The following CTBP2 variants were observed in gnomAD, a reference collection of about 807,000 sequenced individuals.
CTBP2 encodes C-terminal binding protein 2.
CTBP2 carries 30 observed loss-of-function variants against 80.3 expected under a neutral mutation model. The ratio of observed to expected loss-of-function variants is 0.37; its 90% CI spans 0.28 to 0.51. CTBP2 has a LOEUF of 0.51. Among genes scored for constraint, CTBP2 ranks in the 20% least tolerant of loss-of-function variants. The pLI is 0.93. For missense variants in CTBP2, 1,212 were observed against 1,375.3 expected (o/e 0.88, Z 1.88); for synonymous variants, 594 against 587.4 (o/e 1.01, Z -0.16).
intron 3 of CTBP2, chr10:124,999,941 T>C (rs1291916952): frequency 1.3e-5 from 2 of 152,162 alleles, no homozygotes; most frequent in Non-Finnish European, 2.9e-5. Flanking sequence ...CGGGGCTGGC[T>C]CGGCAGTGCT....
intron 1 of CTBP2, among the ~76,000 whole-genome samples, chr10:125,128,562 G>T (rs1024488949): frequency 1.3e-5 from 2 of 152,196 alleles, no homozygotes; most frequent in African/African-American, 4.8e-5. Flanking sequence ...AGCCAACGGT[G>T]CAGACCCCTG....
intron 1 of CTBP2, among the ~76,000 whole-genome samples, chr10:125,019,730 C>T (rs1956862110): frequency 6.6e-6 from 1 of 152,206 alleles, no homozygotes; most frequent in Non-Finnish European, 1.5e-5. Flanking sequence ...AAGAATATAT[C>T]TTCATGACCC....
chr10:125,098,768 G>GAC (rs1850137610), intron 2 of CTBP2, among the ~76,000 whole-genome samples: 8 of 138,456 alleles, frequency 5.8e-5, no homozygotes, highest in African/African-American at 8.3e-5. Context: ...GAGAGAGAGA[G>GAC]AGAGAGAGAG....
In CTBP2 at chr10:125,003,374, G is replaced by A. The variant is rs1465967910; in HGVS notation, c.1797C>T (p.Phe599=). 2 of 1,609,828 alleles carry A rather than the reference G, an allele frequency of 1.2e-6. No homozygotes were observed. ...TTTCCTGCGTCGACTGCGCGTCACA[G>A]AAGGCCACAGTGGCCAGGTCCTTCA... Residue 599 remains phenylalanine, a synonymous_variant, in exon 2 of 9, where the codon TTC becomes TTT. Coordinates refer to ENST00000309035, the MANE Select transcript of CTBP2 (RefSeq NM_022802.3).
intron 2 of CTBP2, among the ~76,000 whole-genome samples, chr10:125,056,623 T>C (rs1362374667): frequency 6.6e-6 from 1 of 152,230 alleles, no homozygotes; most frequent in East Asian, 1.9e-4. Context: ...CAGCTGCTCT[T>C]TGTGCCTCAG....
At chr10:125,118,381 C>A (rs1853695801) in intron 1 of CTBP2, among the ~76,000 whole-genome samples, 1 of 152,160 alleles carries the variant, frequency 6.6e-6, no homozygotes, top group Non-Finnish European at 1.5e-5. Context: ...GGAGTCCTGG[C>A]AACAACTGGA....
intron 1 of CTBP2, among the ~76,000 whole-genome samples, chr10:125,123,302 T>C (rs931817628): frequency 1.3e-5 from 2 of 152,100 alleles, no homozygotes; most frequent in African/African-American, 4.8e-5. Flanking sequence ...GCCAAATGAG[T>C]GCATGTTACA....
At chr10:125,036,190 GAA>G (rs1275053521) in intron 3 of CTBP2, among the ~76,000 whole-genome samples, 1 of 152,162 alleles carries the variant, frequency 6.6e-6, no homozygotes, top group African/African-American at 2.4e-5. Context: ...TTCTTGCTTT[GAA>G]AAGTTTCAAA....
chr10:125,092,679 G>C (rs1363560313), intron 2 of CTBP2, among the ~76,000 whole-genome samples: 2 of 152,176 alleles, frequency 1.3e-5, no homozygotes, highest in African/African-American at 4.8e-5. Flanking sequence ...GAGTAGAACA[G>C]AGTGGTGCCA....
intron 2 of CTBP2, among the ~76,000 whole-genome samples, chr10:125,105,326 T>A (rs970811165): frequency 1.1e-4 from 17 of 151,852 alleles, no homozygotes; most frequent in East Asian, 9.6e-4. Flanking sequence ...TTTAAAAAAA[T>A]TTTTTTATAG....
chr10:125,067,789 C>T (rs1049963881), intron 2 of CTBP2, among the ~76,000 whole-genome samples: 7 of 152,182 alleles, frequency 4.6e-5, no homozygotes, highest in Non-Finnish European at 1.0e-4. Context: ...GTACACTGAC[C>T]CAAGCATCAA....
chr10:125,138,396 T>G (rs576459889), intron 1 of CTBP2: 3 of 152,258 alleles, frequency 2.0e-5, no homozygotes, highest in South Asian at 4.1e-4. Flanking sequence ...TGTTTGAAAC[T>G]GGTTCAAATG....
At chr10:125,143,033 A>T (rs997070864) in intron 1 of CTBP2, among the ~76,000 whole-genome samples, 3 of 151,818 alleles carry the variant, frequency 2.0e-5, no homozygotes, top group Non-Finnish European at 4.4e-5. Context: ...TAATGTGGCC[A>T]CCTCTGCCCA....
chr10:125,044,070 G>A lies in CTBP2; in HGVS notation c.-101-4915C>T, dbSNP rs575578517. Among the ~76,000 whole-genome samples, 6 of 152,298 alleles carry A rather than the reference G, an allele frequency of 3.9e-5. No individual in the cohort carries two copies. In the South Asian group the frequency reaches 1.0e-3, roughly 26 times the overall value. On this transcript the variant is annotated intron_variant, in intron 2 of 10. Transcript: ENST00000337195. ...GCAGACTTTCTGTTTGAGAGGTTGA[G>A]GCGATCCAATGCAGGAAGAAAAGAT...
intron 1 of CTBP2, among the ~76,000 whole-genome samples, chr10:125,134,916 C>T (rs1856753954): frequency 6.9e-6 from 1 of 143,968 alleles, no homozygotes; most frequent in African/African-American, 2.5e-5. Flanking sequence ...GTATACTCAA[C>T]CCTCAATAAT....
At chr10:125,036,908 A>G (rs1958963724) in intron 3 of CTBP2, among the ~76,000 whole-genome samples, 1 of 152,134 alleles carries the variant, frequency 6.6e-6, no homozygotes, top group South Asian at 2.1e-4. Context: ...CAGGTGCCAC[A>G]AGGACTAAGT....
At chr10:125,100,491 C>T (rs1388559236) in intron 2 of CTBP2, 2 of 152,100 alleles carry the variant, frequency 1.3e-5, no homozygotes, top group Non-Finnish European at 2.9e-5. Context: ...TACACGTGCA[C>T]ACACGTACAC....
In CTBP2 at chr10:125,080,623, A is replaced by G. The variant is rs1347486023; in HGVS notation, c.-102+30367T>C. On this transcript the variant is annotated intron_variant, in intron 2 of 10. Transcript: ENST00000337195. ...AAGGGTCTCCAGACGCACATAAGAA[A>G]TTTAAAAAGGGGGAAAAATAGTCAC... is the stretch of plus-strand genomic sequence containing the variant. Among the ~76,000 whole-genome samples, 3 of 152,340 alleles carry G rather than the reference A, an allele frequency of 2.0e-5. No homozygotes were observed. The South Asian group carries it at 6.2e-4, about 32-fold the overall frequency.
At chr10:125,022,365 A>C (rs930920339) in intron 1 of CTBP2, among the ~76,000 whole-genome samples, 11 of 152,254 alleles carry the variant, frequency 7.2e-5, no homozygotes, top group African/African-American at 2.7e-4. Flanking sequence ...GAGAGCACCT[A>C]AACACAAGCC....
Sources: gnomAD v4.1 joint callset for allele counts (sites outside exome capture counted in the v4.1 genomes callset) on GRCh38, gnomAD v4.1.1 for gene constraint, MANE v1.5 for transcripts, NCBI Gene and HGNC (gene_info 2026-07-23, HGNC 2026-07-21) for gene names.